The following MGLL variants were observed in gnomAD, a reference collection of about 807,000 sequenced individuals.
MGLL encodes the protein lysophospholipase homolog.
MGLL carries 7 observed loss-of-function variants against 29.1 expected under a neutral mutation model. The ratio of observed to expected loss-of-function variants is 0.24; its 90% CI spans 0.14 to 0.45. MGLL has a LOEUF of 0.45. Among genes scored for constraint, MGLL ranks in the 20% least tolerant of loss-of-function variants. MGLL has a pLI of 0.99. For synonymous variants in MGLL, 148 were observed against 168.3 expected, an observed-to-expected ratio of 0.88 and a Z score of 0.93; for missense variants, 356 against 413.6, an observed-to-expected ratio of 0.86 and a Z score of 1.21.
intron 5 of MGLL, chr3:127,715,670 T>C (rs897853290): frequency 4.4e-5 from 20 of 456,490 alleles, no homozygotes; most frequent in Non-Finnish European, 8.8e-5. Flanking sequence ...GCAGAACGGT[T>C]GAGCAGGGGC....
intron 2 of MGLL, among the ~76,000 whole-genome samples, chr3:127,787,132 A>G (rs576893671): frequency 4.7e-4 from 71 of 152,306 alleles, no homozygotes; most frequent in Non-Finnish European, 9.3e-4. Context: ...CTGCATGAGG[A>G]GGAGGATTCA....
At chr3:127,773,040 C>T (rs548413191) in intron 3 of MGLL, among the ~76,000 whole-genome samples, 14 of 152,336 alleles carry the variant, frequency 9.2e-5, no homozygotes, top group South Asian at 6.2e-4. Flanking sequence ...GCAGCCTGGA[C>T]GCACTGAGGC....
chr3:127,736,014 T>C (rs2076236741), intron 3 of MGLL: 1 of 1,416,224 alleles, frequency 7.1e-7, no homozygotes, highest in Non-Finnish European at 9.2e-7. Context: ...AGGTTTAACA[T>C]GGAACAGACC....
chr3:127,751,293 C>T (rs1266615884), intron 3 of MGLL, among the ~76,000 whole-genome samples: 6 of 151,928 alleles, frequency 3.9e-5, no homozygotes. Context: ...GCAGCTCCTC[C>T]CAGCAAGGCT....
chr3:127,705,813 A>C (rs2075592284), intron 6 of MGLL, among the ~76,000 whole-genome samples: 1 of 151,858 alleles, frequency 6.6e-6, no homozygotes, highest in African/African-American at 2.4e-5. Context: ...AGAAGAAGAC[A>C]ACATACAAAT....
chr3:127,749,917 G>C (rs2076525320), intron 3 of MGLL, among the ~76,000 whole-genome samples: 2 of 152,202 alleles, frequency 1.3e-5, no homozygotes, highest in Admixed American at 1.3e-4. Flanking sequence ...TCCTAGCAAA[G>C]GGGACAGCAA....
At chr3:127,759,130 G>C (rs2076716590) in intron 3 of MGLL, among the ~76,000 whole-genome samples, 1 of 152,070 alleles carries the variant, frequency 6.6e-6, no homozygotes, top group Non-Finnish European at 1.5e-5. Context: ...TCGCCATGTT[G>C]GCCAGGCTGG....
rs564498278 is a variant in MGLL, at chr3:127,735,961, T to C, written c.263-13395A>G. ...TCCTGGCTCTCTTAGAGTGCAAGCGTTAAACCATCTTTCGGCTCAGTTCCT... is the reference window on the plus strand; with the variant it reads ...TCCTGGCTCTCTTAGAGTGCAAGCGCTAAACCATCTTTCGGCTCAGTTCCT... On this transcript the variant is annotated intron_variant, in intron 3 of 7. Transcript: ENST00000265052. The C allele has an allele frequency of 4.8e-6, 7 of 1,451,204 alleles. No homozygotes were observed. The Admixed American group carries it at 1.8e-4, about 38-fold the overall frequency. The allele number at this position is 1,451,204 out of a possible 1,614,324, so 89.9% of individuals were successfully genotyped here. A position where few individuals can be genotyped will look rare whatever the true frequency, so the allele number is the denominator to read the frequency against.
At chr3:127,822,922 C>G (rs758335870), upstream of MGLL, 1 of 155,506 alleles carries the variant, frequency 6.4e-6, no homozygotes, top group Non-Finnish European at 1.4e-5. Context: ...CGCGCGCGCA[C>G]ACGCGCGCAC....
chr3:127,782,230 T>C (rs1273183883), intron 2 of MGLL, among the ~76,000 whole-genome samples: 1 of 151,520 alleles, frequency 6.6e-6, no homozygotes, highest in East Asian at 1.9e-4. Flanking sequence ...TCCAAAAAAA[T>C]AGAAAAGAAA....
intron 3 of MGLL, among the ~76,000 whole-genome samples, chr3:127,773,500 G>A (rs139151354): frequency 6.6e-6 from 1 of 152,356 alleles, no homozygotes; most frequent in Non-Finnish European, 1.5e-5. Context: ...GACAGGCCCT[G>A]GGGGTCACCA....
At chr3:127,796,882 C>T (rs755392012) in intron 2 of MGLL, among the ~76,000 whole-genome samples, 6 of 152,194 alleles carry the variant, frequency 3.9e-5, no homozygotes, top group Non-Finnish European at 5.9e-5. Flanking sequence ...CAGACGGGGA[C>T]GGAGAGCCTG....
chr3:127,699,738 G>A (rs2075442065), intron 6 of MGLL, among the ~76,000 whole-genome samples: 4 of 152,216 alleles, frequency 2.6e-5, no homozygotes, highest in South Asian at 2.1e-4. Flanking sequence ...GCAGGTGGCA[G>A]GGGCACTAGT....
intron 3 of MGLL, among the ~76,000 whole-genome samples, chr3:127,751,919 G>A (rs2076566243): frequency 6.6e-6 from 1 of 152,154 alleles, no homozygotes; most frequent in South Asian, 2.1e-4. Context: ...ACTGTGGCAG[G>A]TGAAAAGCCG....
chr3:127,765,996 T>G (rs1559955574), intron 3 of MGLL, among the ~76,000 whole-genome samples: 1 of 152,198 alleles, frequency 6.6e-6, no homozygotes, highest in Non-Finnish European at 1.5e-5. Flanking sequence ...AAGACATTCA[T>G]TTAATCTTCG....
chr3:127,812,468 A>T (rs530287248), intron 2 of MGLL, among the ~76,000 whole-genome samples: 12 of 152,220 alleles, frequency 7.9e-5, no homozygotes, highest in African/African-American at 2.9e-4. Flanking sequence ...AAAAGTTAAG[A>T]AAAAAAAGGT....
At chr3:127,745,204 G>A (rs752889051) in intron 3 of MGLL, among the ~76,000 whole-genome samples, 8 of 152,228 alleles carry the variant, frequency 5.3e-5, no homozygotes, top group Non-Finnish European at 7.3e-5. Flanking sequence ...TAAATGAGGA[G>A]GCAAGTGAAA....
intron 6 of MGLL, among the ~76,000 whole-genome samples, chr3:127,699,159 T>C (rs2075429845): frequency 6.6e-6 from 1 of 152,262 alleles, no homozygotes; most frequent in African/African-American, 2.4e-5. Context: ...TTTCACAAGC[T>C]GGCCTCCTGT....
chr3:127,695,754 T>A (rs972259573), intron 6 of MGLL, among the ~76,000 whole-genome samples: 17 of 151,854 alleles, frequency 1.1e-4, no homozygotes, highest in African/African-American at 4.1e-4. Flanking sequence ...AAAAAAAAAT[T>A]AAAAAAAACG....
Sources: gnomAD v4.1 joint callset for allele counts (sites outside exome capture counted in the v4.1 genomes callset) on GRCh38, gnomAD v4.1.1 for gene constraint, MANE v1.5 for transcripts, NCBI Gene and HGNC (gene_info 2026-07-23, HGNC 2026-07-21) for gene names.